CDH13: variants seen among roughly 807,000 people sequenced by gnomAD.
The protein encoded by CDH13 is cadherin-13.
Under a neutral mutation model 63.8 loss-of-function variants are expected in CDH13, and 24 were observed. The ratio of observed to expected loss-of-function variants is 0.38; its 90% CI spans 0.27 to 0.53. The LOEUF (loss-of-function observed/expected upper bound fraction) is 0.53. CDH13 is among the 20% of genes least tolerant of loss of function. The pLI, the probability that CDH13 is intolerant of heterozygous loss-of-function variation, is 0.85. For synonymous variants in CDH13, 503 were observed against 355.3 expected (o/e 1.42, Z -4.67); for missense variants, 1,049 against 903.1 (o/e 1.16, Z -2.07).
At chr16:82,807,413 G>A (rs1237358923) in intron 1 of CDH13, among the ~76,000 whole-genome samples, 1 of 152,164 alleles carries the variant, frequency 6.6e-6, no homozygotes, top group Admixed American at 6.5e-5. Flanking sequence ...GAAGAGGTCT[G>A]GTAGCTGAGA....
chr16:83,529,601 G>A (rs1472927040), intron 7 of CDH13, among the ~76,000 whole-genome samples: 1 of 152,048 alleles, frequency 6.6e-6, no homozygotes, highest in Non-Finnish European at 1.5e-5. Context: ...AAAATTCCCT[G>A]TGTGTGTTTT....
At chr16:83,442,659 G>T (rs183229252) in intron 6 of CDH13, among the ~76,000 whole-genome samples, 1 of 152,166 alleles carries the variant, frequency 6.6e-6, no homozygotes, top group Non-Finnish European at 1.5e-5. Flanking sequence ...CTTTCCAAGT[G>T]ATCAGTGACA....
At position 83,450,724 on chromosome 16, in the gene CDH13, G is replaced by C. The variant is rs187441126; in HGVS notation, c.782-35753G>C. 1.4e-3 allele frequency among the ~76,000 whole-genome samples: 214 copies of C among 152,170 alleles called. 1 individual carries two copies. Among genetic ancestry groups the C allele is most frequent in the Middle Eastern group, 6.8e-3 (2 of 294 alleles). On this transcript the variant is annotated intron_variant, in intron 6 of 13. Transcript: ENST00000567109. ...TCTCTACTAAAAATATAAAAAATTA[G>C]CCAGGCATGGTGGAGGGCGCCTGTA...
At chr16:83,022,206 G>C (rs900278826) in intron 2 of CDH13, among the ~76,000 whole-genome samples, 1 of 152,182 alleles carries the variant, frequency 6.6e-6, no homozygotes, top group Non-Finnish European at 1.5e-5. Flanking sequence ...TGCTACTTTA[G>C]TTGTCAGAAA....
chr16:83,320,534 G>A (rs79784474), intron 5 of CDH13, among the ~76,000 whole-genome samples: 10,528 of 152,198 alleles, frequency 0.069, 518 homozygotes, highest in Non-Finnish European at 0.11. Flanking sequence ...TCAGATAATC[G>A]TCTAAAAATG....
chr16:83,086,803 C>T (rs992343170), intron 3 of CDH13, among the ~76,000 whole-genome samples: 2 of 152,046 alleles, frequency 1.3e-5, no homozygotes, highest in Non-Finnish European at 2.9e-5. Context: ...GTAAAATTTG[C>T]TGGAGATAGG....
At chr16:83,772,581 A>G (rs1339886638) in intron 11 of CDH13, among the ~76,000 whole-genome samples, 1 of 152,228 alleles carries the variant, frequency 6.6e-6, no homozygotes, top group Non-Finnish European at 1.5e-5. Context: ...AACACTTCAC[A>G]GGGCCTTGTG....
chr16:83,626,437 G>GCCC (rs1567464475), intron 8 of CDH13, among the ~76,000 whole-genome samples: 1 of 152,158 alleles, frequency 6.6e-6, no homozygotes, highest in African/African-American at 2.4e-5. Context: ...TTCTGCAGGC[G>GCCC]TTAATGAAGC....
chr16:83,344,190 A>T (rs988606371), intron 5 of CDH13, among the ~76,000 whole-genome samples: 1 of 152,238 alleles, frequency 6.6e-6, no homozygotes, highest in African/African-American at 2.4e-5. Flanking sequence ...TTCACTGGAA[A>T]TGCCATGACA....
intron 1 of CDH13, chr16:82,639,512 C>G (rs1309478865): frequency 7.8e-7 from 1 of 1,281,428 alleles, no homozygotes; most frequent in Non-Finnish European, 1.1e-6. Flanking sequence ...GAATTCTTCC[C>G]TAGGGATGCT....
At chr16:83,584,344 A>C (rs557991411) in intron 7 of CDH13, among the ~76,000 whole-genome samples, 1 of 152,340 alleles carries the variant, frequency 6.6e-6, no homozygotes, top group African/African-American at 2.4e-5. Context: ...TTTTTAAAAA[A>C]TGCATGGTTT....
chr16:83,294,370 C>G (rs184723205), intron 5 of CDH13, among the ~76,000 whole-genome samples: 10 of 152,152 alleles, frequency 6.6e-5, no homozygotes, highest in African/African-American at 1.9e-4. Context: ...TATCTTTTGG[C>G]CAACATCTCC....
At chr16:83,615,006 C>G (rs1909166341) in intron 8 of CDH13, among the ~76,000 whole-genome samples, 1 of 152,154 alleles carries the variant, frequency 6.6e-6, no homozygotes, top group Non-Finnish European at 1.5e-5. Flanking sequence ...CTTGATTTGA[C>G]ATGAATATCT....
chr16:83,749,962 G>A (rs1434305852), intron 11 of CDH13, among the ~76,000 whole-genome samples: 1 of 152,188 alleles, frequency 6.6e-6, no homozygotes, highest in Non-Finnish European at 1.5e-5. Context: ...TGATTGGTTA[G>A]CCTTAAGTTT....
chr16:82,908,536 A>C (rs1181946736), intron 2 of CDH13, among the ~76,000 whole-genome samples: 1 of 152,188 alleles, frequency 6.6e-6, no homozygotes, highest in East Asian at 1.9e-4. Context: ...AACAATTCAG[A>C]GTCTAGATAC....
chr16:82,855,496 A>C (rs1316392781), intron 1 of CDH13, among the ~76,000 whole-genome samples: 1 of 152,148 alleles, frequency 6.6e-6, no homozygotes, highest in Non-Finnish European at 1.5e-5. Context: ...GAGACCCTTG[A>C]CCATTTGCTA....
At chr16:82,932,944 G>A (rs926966663) in intron 2 of CDH13, among the ~76,000 whole-genome samples, 4 of 152,110 alleles carry the variant, frequency 2.6e-5, no homozygotes, top group Non-Finnish European at 5.9e-5. Flanking sequence ...ATTTAGTAGA[G>A]GCATAAATGA....
At chr16:82,773,876 C>T (rs372176739) in intron 1 of CDH13, among the ~76,000 whole-genome samples, 8 of 151,968 alleles carry the variant, frequency 5.3e-5, no homozygotes, top group Admixed American at 2.6e-4. Flanking sequence ...CTCCGCCTCC[C>T]GGGTTCAAGC....
At chr16:83,274,622 T>C (rs1337147272) in intron 5 of CDH13, among the ~76,000 whole-genome samples, 2 of 152,184 alleles carry the variant, frequency 1.3e-5, no homozygotes, top group East Asian at 3.8e-4. Context: ...GAGCCTGATG[T>C]GTGAAACTTG....
Sources: gnomAD v4.1 joint callset for allele counts (sites outside exome capture counted in the v4.1 genomes callset) on GRCh38, gnomAD v4.1.1 for gene constraint, MANE v1.5 for transcripts, NCBI Gene and HGNC (gene_info 2026-07-23, HGNC 2026-07-21) for gene names.